SMYD3: variants seen among roughly 807,000 people sequenced by gnomAD.
SMYD3 encodes the protein SET and MYND domain containing 3.
Under a neutral mutation model 57.7 loss-of-function variants are expected in SMYD3, and 36 were observed. The ratio of observed to expected loss-of-function variants is 0.62; its 90% CI spans 0.48 to 0.82. SMYD3 has a LOEUF of 0.82. SMYD3 is among the 40% of genes least tolerant of loss of function. SMYD3 has a pLI of 0.00. For synonymous variants in SMYD3, 211 were observed against 195.0 expected (o/e 1.08, Z -0.68); for missense variants, 515 against 538.8 (o/e 0.96, Z 0.44).
rs147603395 is a variant in SMYD3 at position 246,135,369 on chromosome 1, T to C, written c.531+191832A>G. On this transcript the variant is annotated intron_variant, in intron 5 of 11. Transcript: ENST00000490107. ...AATTAAATCCTAAAATTTAAGCTTC[T>C]GGAAGCTATCCCAGTGTGCACAGCT... Among the ~76,000 whole-genome samples, 689 of 152,274 alleles carry C rather than the reference T, an allele frequency of 4.5e-3. 5 individuals are homozygous for C. The highest frequency in any genetic ancestry group is 0.016 in the African/African-American group (669 of 41,560).
intron 5 of SMYD3, among the ~76,000 whole-genome samples, chr1:245,936,953 C>A (rs921667575): frequency 6.6e-6 from 1 of 152,104 alleles, no homozygotes; most frequent in African/African-American, 2.4e-5. Context: ...AAAAATTTGT[C>A]TTTATATGCT....
At chr1:245,752,261 C>T (rs979103773) in intron 11 of SMYD3, among the ~76,000 whole-genome samples, 3 of 152,210 alleles carry the variant, frequency 2.0e-5, no homozygotes, top group Non-Finnish European at 4.4e-5. Flanking sequence ...CAGAGAGGGA[C>T]GTAACCCTCC....
chr1:246,039,341 G>A (rs1385686258), intron 5 of SMYD3, among the ~76,000 whole-genome samples: 3 of 152,128 alleles, frequency 2.0e-5, no homozygotes, highest in African/African-American at 7.2e-5. Flanking sequence ...TCATCTAGAT[G>A]TAAACATAGG....
At chr1:245,979,682 T>A (rs146731313) in intron 5 of SMYD3, among the ~76,000 whole-genome samples, 107 of 152,102 alleles carry the variant, frequency 7.0e-4, no homozygotes, top group African/African-American at 2.6e-3. Flanking sequence ...GTGAAAAAAA[T>A]TTTGTTGTTT....
intron 1 of SMYD3, among the ~76,000 whole-genome samples, chr1:246,379,111 CACAT>C (rs1447367772): frequency 2.3e-5 from 3 of 131,338 alleles, no homozygotes; most frequent in African/African-American, 8.4e-5. Flanking sequence ...CACACACACA[CACAT>C]ATATTCCATT....
intron 1 of SMYD3, among the ~76,000 whole-genome samples, chr1:246,453,921 G>C (rs1471104735): frequency 6.6e-6 from 1 of 152,186 alleles, no homozygotes; most frequent in Non-Finnish European, 1.5e-5. Flanking sequence ...ATAAAGCACT[G>C]AAGTTGGGTG....
intron 5 of SMYD3, among the ~76,000 whole-genome samples, chr1:246,079,384 C>T (rs1220049536): frequency 6.6e-6 from 1 of 152,094 alleles, no homozygotes; most frequent in Non-Finnish European, 1.5e-5. Flanking sequence ...ACTTTTTTCC[C>T]ATCACATAAT....
chr1:246,024,156 CAATAT>C (rs1412771129), intron 5 of SMYD3, among the ~76,000 whole-genome samples: 1 of 152,106 alleles, frequency 6.6e-6, no homozygotes, highest in Non-Finnish European at 1.5e-5. Context: ...CTGCTTTCTG[CAATAT>C]AATATGGAAG....
At chr1:245,968,510 T>G (rs2058212976) in intron 5 of SMYD3, among the ~76,000 whole-genome samples, 1 of 152,142 alleles carries the variant, frequency 6.6e-6, no homozygotes, top group African/African-American at 2.4e-5. Context: ...CACCTTATAT[T>G]GAAAAAGGCA....
At chr1:245,998,656 C>T (rs1003651866) in intron 5 of SMYD3, among the ~76,000 whole-genome samples, 2 of 152,062 alleles carry the variant, frequency 1.3e-5, no homozygotes, top group East Asian at 1.9e-4. Flanking sequence ...TTCTGCTTCT[C>T]GGTATATGCC....
chr1:246,268,478 T>C (rs902333162), intron 5 of SMYD3, among the ~76,000 whole-genome samples: 4 of 151,970 alleles, frequency 2.6e-5, no homozygotes, highest in African/African-American at 7.3e-5. Flanking sequence ...GGCAGGCAGA[T>C]CACAAGGTCA....
chr1:245,877,286 T>G (rs1048991393), intron 8 of SMYD3, among the ~76,000 whole-genome samples: 10 of 152,028 alleles, frequency 6.6e-5, no homozygotes, highest in Non-Finnish European at 8.8e-5. Flanking sequence ...CCCAAAAACA[T>G]AAAGCTGAAT....
intron 5 of SMYD3, among the ~76,000 whole-genome samples, chr1:246,216,950 A>G (rs1250717467): frequency 6.6e-6 from 1 of 152,120 alleles, no homozygotes; most frequent in African/African-American, 2.4e-5. Context: ...TCCTGAACAG[A>G]CCTAGGATTT....
intron 1 of SMYD3, among the ~76,000 whole-genome samples, chr1:246,426,389 C>T (rs1477454969): frequency 1.3e-5 from 2 of 152,060 alleles, no homozygotes; most frequent in African/African-American, 4.8e-5. Flanking sequence ...ACCTTTAGGC[C>T]CATTAGGAGT....
chr1:245,955,875 GGT>G, intron 5 of SMYD3: 3 of 844,472 alleles, frequency 3.6e-6, no homozygotes, highest in African/African-American at 6.2e-5. Flanking sequence ...ATTTGTTTTG[GGT>G]TTTTTTTTTT....
rs112993306 is a variant in SMYD3, at chr1:245,875,564, C to T, written c.814-11678G>A. On this transcript the variant is annotated intron_variant, in intron 8 of 11. Transcript: ENST00000490107. ...ATAGGTATCATCTTTATATTGATAT[C>T]TGATGAAGTTCCTCAAATTTGGATG... Among the ~76,000 whole-genome samples, 6 of 152,332 alleles carry T rather than the reference C, an allele frequency of 3.9e-5. 1 individual carries two copies. The highest frequency in any genetic ancestry group is 1.4e-4 in the African/African-American group (6 of 41,582).
chr1:246,045,959 A>G (rs954881305), intron 5 of SMYD3, among the ~76,000 whole-genome samples: 2 of 152,204 alleles, frequency 1.3e-5, no homozygotes, highest in Admixed American at 6.5e-5. Flanking sequence ...GGCGATCATT[A>G]AAAAGTCAGG....
intron 10 of SMYD3, among the ~76,000 whole-genome samples, chr1:245,791,620 G>T (rs35674918): frequency 1.4e-4 from 20 of 140,946 alleles, no homozygotes; most frequent in Admixed American, 9.2e-4. Context: ...GAAAGAGAGA[G>T]GGGGGCAGAC....
At position 246,047,944 on chromosome 1, in the gene SMYD3, T is replaced by G. The variant is rs78876774; in HGVS notation, c.532-118007A>C. On this transcript the variant is annotated intron_variant, in intron 5 of 11. Coordinates refer to ENST00000490107, the MANE Select transcript of SMYD3 (RefSeq NM_001167740.2). The stretch of plus-strand genomic sequence containing the variant: ...GCATTTTTTAAAAAAACCTACATAG[T>G]CATATTCCAGTGTAAAAAATGTAAA... Among the ~76,000 whole-genome samples, 1,065 of 152,134 alleles carry G rather than the reference T, an allele frequency of 7.0e-3. 17 individuals carry two copies. Among genetic ancestry groups the G allele is most frequent in the African/African-American group, 0.023 (975 of 41,514 alleles).
Sources: gnomAD v4.1 joint callset for allele counts (sites outside exome capture counted in the v4.1 genomes callset) on GRCh38, gnomAD v4.1.1 for gene constraint, MANE v1.5 for transcripts, NCBI Gene and HGNC (gene_info 2026-07-23, HGNC 2026-07-21) for gene names.